Variants in CFAP61 observed in about 807,000 individuals in gnomAD.
CFAP61 encodes cilia and flagella associated protein 61.
CFAP61 carries 107 observed loss-of-function variants against 135.6 expected under a neutral mutation model. The observed-to-expected ratio is 0.79, with a 90% CI of 0.67 to 0.93. The LOEUF (loss-of-function observed/expected upper bound fraction) is 0.93, where lower values mean the gene tolerates loss of function less well. CFAP61 is among the 40% of genes least tolerant of loss of function. The pLI is 0.00. For synonymous variants in CFAP61, 575 were observed against 578.5 expected, an observed-to-expected ratio of 0.99 and a Z score of 0.09; for missense variants, 1,507 against 1,556.2, an observed-to-expected ratio of 0.97 and a Z score of 0.53.
At chr20:20,097,659 A>G (rs1042448519) in intron 7 of CFAP61, among the ~76,000 whole-genome samples, 1 of 152,216 alleles carries the variant, frequency 6.6e-6, no homozygotes, top group Non-Finnish European at 1.5e-5. Flanking sequence ...ACTGAAAATC[A>G]TGGGGACGAC....
intron 25 of CFAP61, among the ~76,000 whole-genome samples, chr20:20,327,777 CAAAAAAAAAA>C (rs60171844): frequency 4.1e-4 from 25 of 60,354 alleles, no homozygotes; most frequent in South Asian, 2.5e-3. Context: ...AAGAGCCTGT[CAAAAAAAAAA>C]AAAAAAAAAA....
intron 8 of CFAP61, among the ~76,000 whole-genome samples, chr20:20,142,107 G>A (rs577428724): frequency 6.6e-6 from 1 of 152,256 alleles, no homozygotes; most frequent in East Asian, 1.9e-4. Flanking sequence ...TAGGCATGGA[G>A]AGATTACAAA....
At position 20,152,306 on chromosome 20, in the gene CFAP61, G is replaced by GAA. The variant is rs571356966; in HGVS notation, c.952-7055_952-7054dup. Among the ~76,000 whole-genome samples, 52 of 145,516 alleles carry GAA rather than the reference G, an allele frequency of 3.6e-4. No individual in the cohort carries two copies. In the South Asian group the frequency reaches 0.011, roughly 31 times the overall value. On this transcript the variant is annotated intron_variant, in intron 9 of 26. Transcript: ENST00000245957. The stretch of plus-strand genomic sequence containing the variant: ...AGGGCCTATAAAACAATAACACAAT[G>GAA]AAAAAAAAAACACCAAAGTATTCAG...
chr20:20,059,689 C>T (rs1156701284), intron 2 of CFAP61, among the ~76,000 whole-genome samples: 2 of 151,690 alleles, frequency 1.3e-5, no homozygotes, highest in African/African-American at 4.8e-5. Flanking sequence ...GTGAAATAGA[C>T]CATCTAGAAC....
rs578000062 is a variant in CFAP61 at position 20,317,803 on chromosome 20, TC to T, written c.3422+19418del. Among the ~76,000 whole-genome samples the T allele has an allele frequency of 9.8e-4, 149 of 152,216 alleles. 1 individual carries two copies. Among genetic ancestry groups the T allele is most frequent in the Non-Finnish European group, 1.6e-3 (110 of 68,008 alleles). On this transcript the variant is annotated intron_variant, in intron 25 of 26. Coordinates refer to ENST00000245957, the MANE Select transcript of CFAP61 (RefSeq NM_015585.4). ...TTTCACGGCATTAATAATCTATAGT[TC>T]AATCATTAGGAGCAAATCCAAGTGA...
At chr20:20,228,479 G>GAGTACCAAACAA in intron 18 of CFAP61, 103 bp downstream of exon 18, 2 of 970,692 alleles carry the variant, frequency 2.1e-6, no homozygotes, top group Non-Finnish European at 3.2e-6. Flanking sequence ...AGATTGTTTG[G>GAGTACCAAACAA]TACTCCACAC....
At chr20:20,191,278 C>T in intron 14 of CFAP61, 64 bp from the exon 15 acceptor site, 1 of 1,378,540 alleles carries the variant, frequency 7.3e-7, no homozygotes. Flanking sequence ...CCACTGTTGC[C>T]TGCTTACAAA....
chr20:20,256,801 A>G (rs113139440), intron 20 of CFAP61, among the ~76,000 whole-genome samples: 75 of 152,358 alleles, frequency 4.9e-4, no homozygotes, highest in African/African-American at 1.8e-3. Context: ...CCCGAAAAAC[A>G]TATTGTCCAG....
Position 20,216,656 on chromosome 20 carries a change from C to T in CFAP61, c.1933-11593C>T, listed in dbSNP as rs542295951. ...GGGGGTTTTATTTTTATTTTCGTAA[C>T]TACTTCAGATATTTTGAATACTGTT... On this transcript the variant is annotated intron_variant, in intron 17 of 26. Transcript: ENST00000245957. Among the ~76,000 whole-genome samples the T allele has an allele frequency of 2.6e-5, 4 of 152,306 alleles. No individual in the cohort carries two copies. In the South Asian group the frequency reaches 8.3e-4, roughly 32 times the overall value.
At chr20:20,173,927 C>A (rs1339953595) in intron 13 of CFAP61, among the ~76,000 whole-genome samples, 1 of 152,106 alleles carries the variant, frequency 6.6e-6, no homozygotes, top group East Asian at 1.9e-4. Context: ...CATTCATATT[C>A]TTTTCTTTCA....
intron 15 of CFAP61, among the ~76,000 whole-genome samples, chr20:20,195,101 A>G (rs1019642274): frequency 6.6e-6 from 1 of 152,180 alleles, no homozygotes; most frequent in Non-Finnish European, 1.5e-5. Context: ...TTACAGGGTC[A>G]ATGCAGATTG....
intron 25 of CFAP61, among the ~76,000 whole-genome samples, chr20:20,309,510 C>T (rs553898852): frequency 6.6e-6 from 1 of 152,300 alleles, no homozygotes; most frequent in Admixed American, 6.5e-5. Flanking sequence ...CAAGGGAGAA[C>T]CAGAGTGGCC....
At chr20:20,303,704 T>C (rs1424362041) in intron 25 of CFAP61, among the ~76,000 whole-genome samples, 5 of 152,170 alleles carry the variant, frequency 3.3e-5, no homozygotes, top group Admixed American at 6.5e-5. Context: ...TTCCTGACCT[T>C]GGCAGCATCA....
At chr20:20,176,779 C>A (rs1260754108) in intron 13 of CFAP61, among the ~76,000 whole-genome samples, 1 of 152,056 alleles carries the variant, frequency 6.6e-6, no homozygotes, top group Non-Finnish European at 1.5e-5. Flanking sequence ...GGGCTTAATA[C>A]CTAGGTGATG....
At chr20:20,356,064 GTAGTGACACTGTGAGCAGAGA>G (rs1179447488) in intron 26 of CFAP61, among the ~76,000 whole-genome samples, 16 of 140,758 alleles carry the variant, frequency 1.1e-4, no homozygotes, top group African/African-American at 3.7e-4. Context: ...CTGAGGGGAG[GTAGTGACACTGTGAGCAGAGA>G]TGGTCACACT....
At chr20:20,115,391 T>C (rs1478894969) in intron 8 of CFAP61, among the ~76,000 whole-genome samples, 4 of 151,954 alleles carry the variant, frequency 2.6e-5, no homozygotes, top group African/African-American at 9.7e-5. Context: ...ATCAGTGTAA[T>C]TGGGATATTC....
intron 20 of CFAP61, among the ~76,000 whole-genome samples, chr20:20,259,247 T>C (rs2051947457): frequency 5.7e-5 from 1 of 17,648 alleles, no homozygotes; most frequent in Non-Finnish European, 1.1e-4. Flanking sequence ...CCTTCCATCT[T>C]TTTTTTTTTT....
At chr20:20,118,320 G>T (rs62200298) in intron 8 of CFAP61, among the ~76,000 whole-genome samples, 46 of 91,374 alleles carry the variant, frequency 5.0e-4, no homozygotes, top group East Asian at 1.4e-3. Context: ...CTTTCTTTCT[G>T]TCTCTCTCTC....
chr20:20,282,282 C>G (rs1003563758), intron 22 of CFAP61, among the ~76,000 whole-genome samples: 3 of 152,020 alleles, frequency 2.0e-5, no homozygotes, highest in African/African-American at 7.2e-5. Context: ...TTAATTTTCT[C>G]TATTATCTGT....
Sources: allele counts gnomAD v4.1 joint callset (sites outside exome capture counted in the v4.1 genomes callset), GRCh38; gene constraint gnomAD v4.1.1; transcripts MANE v1.5; gene names NCBI Gene and HGNC (gene_info 2026-07-23, HGNC 2026-07-21).